GLRA3: variants seen among roughly 807,000 people sequenced by gnomAD.
GLRA3 encodes the protein glycine receptor alpha 3.
A neutral mutation model predicts 60.4 loss-of-function variants in GLRA3; 44 were observed. The observed-to-expected ratio is 0.73, with a 90% CI of 0.57 to 0.94. The LOEUF (loss-of-function observed/expected upper bound fraction) is 0.94. Among genes scored for constraint, GLRA3 ranks in the 40% least tolerant of loss-of-function variants. GLRA3 has a pLI of 0.00. For missense variants in GLRA3, 508 were observed against 564.6 expected, an observed-to-expected ratio of 0.90 and a Z score of 1.02; for synonymous variants, 223 against 192.9, an observed-to-expected ratio of 1.16 and a Z score of -1.29.
At chr4:174,774,820 T>C (rs1022401540) in intron 2 of GLRA3, among the ~76,000 whole-genome samples, 8 of 152,162 alleles carry the variant, frequency 5.3e-5, no homozygotes, top group Non-Finnish European at 1.0e-4. Flanking sequence ...AATTAGAAGG[T>C]AGCAATCTAT....
chr4:174,665,237 C>CTTTTTTTTTTT (rs34499494), intron 7 of GLRA3, among the ~76,000 whole-genome samples: 9 of 127,484 alleles, frequency 7.1e-5, no homozygotes, highest in East Asian at 4.5e-4. Context: ...TTTGTATTTA[C>CTTTTTTTTTTT]TTTTTTTTTT....
At chr4:174,673,702 T>C (rs1733994921) in intron 7 of GLRA3, among the ~76,000 whole-genome samples, 1 of 152,184 alleles carries the variant, frequency 6.6e-6, no homozygotes, top group African/African-American at 2.4e-5. Context: ...AATTCATTTG[T>C]AGTTTACACC....
At chr4:174,762,358 T>C (rs1737973890) in intron 3 of GLRA3, among the ~76,000 whole-genome samples, 1 of 152,160 alleles carries the variant, frequency 6.6e-6, no homozygotes, top group South Asian at 2.1e-4. Flanking sequence ...GACAGTTAGC[T>C]GAGAACATCT....
chr4:174,783,817 T>A (rs1160395160), intron 2 of GLRA3, among the ~76,000 whole-genome samples: 3 of 151,972 alleles, frequency 2.0e-5, no homozygotes, highest in African/African-American at 7.3e-5. Context: ...AAGTCAGGAA[T>A]CAACAGGTGC....
At chr4:174,808,536 C>T (rs1349836060) in intron 1 of GLRA3, among the ~76,000 whole-genome samples, 1 of 152,084 alleles carries the variant, frequency 6.6e-6, no homozygotes, top group African/African-American at 2.4e-5. Context: ...TACTTTTAAT[C>T]TTTATTTTAG....
chr4:174,716,247 C>T (rs1242722191), intron 4 of GLRA3, among the ~76,000 whole-genome samples: 1 of 152,114 alleles, frequency 6.6e-6, no homozygotes, highest in Non-Finnish European at 1.5e-5. Flanking sequence ...GGAAATAGCC[C>T]TCTAGAATAT....
At chr4:174,650,772 C>T (rs1732996925) in intron 9 of GLRA3, among the ~76,000 whole-genome samples, 1 of 152,192 alleles carries the variant, frequency 6.6e-6, no homozygotes, top group South Asian at 2.1e-4. Context: ...CAATGATGGA[C>T]CCTGCAGCTG....
intron 1 of GLRA3, among the ~76,000 whole-genome samples, chr4:174,803,621 C>T (rs1739908653): frequency 6.6e-6 from 1 of 152,178 alleles, no homozygotes; most frequent in African/African-American, 2.4e-5. Context: ...GTGACATACA[C>T]ATATGTTTAG....
intron 3 of GLRA3, among the ~76,000 whole-genome samples, chr4:174,755,419 G>A (rs1737654487): frequency 6.6e-6 from 1 of 151,938 alleles, no homozygotes; most frequent in Non-Finnish European, 1.5e-5. Context: ...AAGTAAATTG[G>A]ATGAAATAAT....
At chr4:174,650,066 G>A (rs1443350378) in intron 9 of GLRA3, among the ~76,000 whole-genome samples, 7 of 152,224 alleles carry the variant, frequency 4.6e-5, no homozygotes, top group East Asian at 3.9e-4. Context: ...GACTAGGTAC[G>A]GGTGGCTAAT....
At chr4:174,719,231 G>A (rs891486999) in intron 4 of GLRA3, among the ~76,000 whole-genome samples, 2 of 151,980 alleles carry the variant, frequency 1.3e-5, no homozygotes, top group East Asian at 1.9e-4. Flanking sequence ...CCAAAGTGCT[G>A]GGATTACAGG....
chr4:174,741,947 G>A lies in GLRA3; in HGVS notation c.268-13249C>T, dbSNP rs917281862. Among the ~76,000 whole-genome samples the A allele has an allele frequency of 2.6e-5, 4 of 152,164 alleles. No individual in the cohort carries two copies. The South Asian group carries it at 8.3e-4, about 32-fold the overall frequency. On this transcript the variant is annotated intron_variant, in intron 3 of 9. Transcript: ENST00000274093. ...TCACACCTGAGTTTTGCTCATCTTT[G>A]AATCCAAATATATAAAATGTTTTTT...
chr4:174,724,719 A>G (rs1299469109), intron 4 of GLRA3, among the ~76,000 whole-genome samples: 1 of 151,942 alleles, frequency 6.6e-6, no homozygotes, highest in Non-Finnish European at 1.5e-5. Context: ...CTTGTGATTA[A>G]TTCTCTATTT....
Position 174,641,378 on chromosome 4 carries a change from A to G in GLRA3, c.*2408T>C, listed in dbSNP as rs1732617364. The G allele has an allele frequency of 6.6e-6, 1 of 152,062 alleles. No homozygotes were observed. The highest frequency in any genetic ancestry group is 2.4e-5 in the African/African-American group (1 of 41,436). The allele number at this position is 152,062 out of a possible 1,614,324, so 9.4% of individuals were successfully genotyped here. A position where few individuals can be genotyped will look rare whatever the true frequency, so the allele number is the denominator to read the frequency against. Reference sequence around the variant, plus strand: ...AACTGCAATGTAATTTTTCAGTTTTAAAAGGTCTATAAGAGTTCGAAGGAG... The same window carrying G: ...AACTGCAATGTAATTTTTCAGTTTTGAAAGGTCTATAAGAGTTCGAAGGAG... On this transcript the variant is annotated 3_prime_UTR_variant, in exon 10 of 10. Coordinates refer to ENST00000274093, the MANE Select transcript of GLRA3 (RefSeq NM_006529.4).
At chr4:174,818,123 C>A (rs534064579) in intron 1 of GLRA3, among the ~76,000 whole-genome samples, 1 of 152,224 alleles carries the variant, frequency 6.6e-6, no homozygotes, top group South Asian at 2.1e-4. Context: ...GAATCAAGAT[C>A]TAATCCTGAG....
chr4:174,688,980 T>A (rs1206546521), intron 5 of GLRA3, among the ~76,000 whole-genome samples: 1 of 152,154 alleles, frequency 6.6e-6, no homozygotes, highest in Non-Finnish European at 1.5e-5. Context: ...AATTGTCTGA[T>A]CATAGGATTT....
chr4:174,680,596 T>C (rs1040584077), intron 6 of GLRA3, among the ~76,000 whole-genome samples: 4 of 151,974 alleles, frequency 2.6e-5, no homozygotes, highest in Non-Finnish European at 4.4e-5. Flanking sequence ...CAGACAGAGA[T>C]GAGTTTGGTG....
rs1350320048 is a variant in GLRA3, at chr4:174,823,256, T to A, written c.71+5485A>T. Among the ~76,000 whole-genome samples, 3 of 152,170 alleles carry A rather than the reference T, an allele frequency of 2.0e-5. No individual in the cohort carries two copies. The South Asian group carries it at 6.2e-4, about 32-fold the overall frequency. On this transcript the variant is annotated intron_variant, in intron 1 of 9. Transcript: ENST00000274093. Reference sequence around the variant, plus strand: ...AAAACTAAAACTCAAAAAAAAAATGTATTTCCACATATACATGTACATACA... The same window carrying A: ...AAAACTAAAACTCAAAAAAAAAATGAATTTCCACATATACATGTACATACA...
At chr4:174,808,535 T>C (rs1235808253) in intron 1 of GLRA3, among the ~76,000 whole-genome samples, 1 of 152,184 alleles carries the variant, frequency 6.6e-6, no homozygotes, top group Non-Finnish European at 1.5e-5. Flanking sequence ...ATACTTTTAA[T>C]CTTTATTTTA....
Sources: gnomAD v4.1 joint callset for allele counts (sites outside exome capture counted in the v4.1 genomes callset) on GRCh38, gnomAD v4.1.1 for gene constraint, MANE v1.5 for transcripts, NCBI Gene and HGNC (gene_info 2026-07-23, HGNC 2026-07-21) for gene names.